The following CSMD1 variants were observed in gnomAD, a reference collection of about 807,000 sequenced individuals.
The protein encoded by CSMD1 is CUB and sushi domain-containing protein 1.
In CSMD1, 213 loss-of-function variants were observed where a neutral mutation model predicts 417.5. The observed-to-expected ratio is 0.51, with a 90% CI of 0.46 to 0.57. The LOEUF is 0.57. CSMD1 is among the 20% of genes least tolerant of loss of function. The pLI is 0.00. For synonymous variants in CSMD1, 2,862 were observed against 1,736.8 expected, an observed-to-expected ratio of 1.65 and a Z score of -16.11; for missense variants, 6,923 against 4,529.7, an observed-to-expected ratio of 1.53 and a Z score of -15.17.
rs188445402 is a variant in CSMD1, at chr8:3,312,427, T to G, written c.3632-3924A>C. ...CTCTATAACTTAAAGCCTCTAGGCT[T>G]GTGTGATGTCTTTTTATAAAATACA... On this transcript the variant is annotated intron_variant, in intron 23 of 69. Coordinates refer to ENST00000635120, the MANE Select transcript of CSMD1 (RefSeq NM_033225.6). 4.3e-3 allele frequency among the ~76,000 whole-genome samples: 660 copies of G among 152,304 alleles called. 21 individuals are homozygous for G. Among genetic ancestry groups the G allele is most frequent in the Admixed American group, 0.04 (613 of 15,292 alleles).
intron 18 of CSMD1, among the ~76,000 whole-genome samples, chr8:3,381,464 TTAA>T (rs1374707490): frequency 6.6e-6 from 1 of 152,172 alleles, no homozygotes; most frequent in Non-Finnish European, 1.5e-5. Context: ...TTAGGGTAAT[TTAA>T]TAAAACATCA....
intron 3 of CSMD1, among the ~76,000 whole-genome samples, chr8:4,278,180 A>C (rs910588448): frequency 1.3e-5 from 2 of 152,202 alleles, no homozygotes; most frequent in African/African-American, 4.8e-5. Context: ...CTACATTCAC[A>C]ATTTATATAT....
intron 1 of CSMD1, among the ~76,000 whole-genome samples, chr8:4,746,217 A>G (rs1305909554): frequency 6.6e-6 from 1 of 152,080 alleles, no homozygotes; most frequent in Non-Finnish European, 1.5e-5. Context: ...TTTCCATGGA[A>G]TCACCGAAAA....
chr8:3,624,520 A>G lies in CSMD1; in HGVS notation c.1010-7723T>C, dbSNP rs578230909. On this transcript the variant is annotated intron_variant, in intron 7 of 69. Coordinates refer to ENST00000635120, the MANE Select transcript of CSMD1 (RefSeq NM_033225.6). The stretch of plus-strand genomic sequence containing the variant: ...TTTCATTGTTGGTACTTGTTTCTTC[A>G]AAGATGTACAGATGTATTTCAGTTG... Among the ~76,000 whole-genome samples, 19 of 152,344 alleles carry G rather than the reference A, an allele frequency of 1.2e-4. No individual in the cohort carries two copies. In the East Asian group the frequency reaches 3.7e-3, roughly 29 times the overall value.
At chr8:3,548,656 T>TCATACA (rs1554465252) in intron 10 of CSMD1, among the ~76,000 whole-genome samples, 2 of 86,006 alleles carry the variant, frequency 2.3e-5, no homozygotes, top group Non-Finnish European at 5.0e-5. Flanking sequence ...TGGTATTCCA[T>TCATACA]CATACACACA....
At chr8:4,392,058 G>A (rs1030801162) in intron 3 of CSMD1, among the ~76,000 whole-genome samples, 5 of 152,204 alleles carry the variant, frequency 3.3e-5, no homozygotes, top group Admixed American at 1.3e-4. Context: ...ATGCGACCCT[G>A]TGGGACACCA....
intron 25 of CSMD1, among the ~76,000 whole-genome samples, chr8:3,307,288 C>A (rs1237362754): frequency 1.3e-5 from 2 of 151,934 alleles, no homozygotes; most frequent in African/African-American, 4.8e-5. Context: ...GCCTGGTGTG[C>A]AGGGGCTCCT....
intron 3 of CSMD1, among the ~76,000 whole-genome samples, chr8:4,091,447 C>T (rs1274490559): frequency 2.6e-5 from 4 of 152,032 alleles, no homozygotes; most frequent in East Asian, 1.9e-4. Flanking sequence ...ACTTTTGCTC[C>T]ACGTCAGAAA....
At chr8:3,823,026 T>C (rs1585048793) in intron 5 of CSMD1, among the ~76,000 whole-genome samples, 1 of 152,180 alleles carries the variant, frequency 6.6e-6, no homozygotes, top group South Asian at 2.1e-4. Context: ...GAAAACATAA[T>C]TCGGCATCAG....
chr8:4,141,207 A>C (rs1235999229), intron 3 of CSMD1, among the ~76,000 whole-genome samples: 1 of 151,202 alleles, frequency 6.6e-6, no homozygotes. Context: ...GATCTATCAG[A>C]AAGACTGGAA....
chr8:4,484,200 GAAA>G (rs79443875), intron 2 of CSMD1, among the ~76,000 whole-genome samples: 1 of 105,386 alleles, frequency 9.5e-6, no homozygotes, highest in Admixed American at 1.0e-4. Context: ...TGGATGACAC[GAAA>G]AAAAAAAAAA....
At chr8:4,022,905 T>G (rs1326926272) in intron 4 of CSMD1, among the ~76,000 whole-genome samples, 8 of 152,334 alleles carry the variant, frequency 5.3e-5, no homozygotes, top group Non-Finnish European at 1.0e-4. Flanking sequence ...ATTATTGTGA[T>G]GAAAGCAAGT....
intron 2 of CSMD1, among the ~76,000 whole-genome samples, chr8:4,544,990 G>A (rs1056834884): frequency 6.6e-6 from 1 of 152,166 alleles, no homozygotes; most frequent in African/African-American, 2.4e-5. Context: ...TATTCGTAAT[G>A]CATTTTACTC....
In CSMD1 at chr8:4,868,771, G is replaced by T. The variant is rs933663363; in HGVS notation, c.85+125561C>A. 4.3e-5 allele frequency among the ~76,000 whole-genome samples: 4 copies of T among 93,848 alleles called. No homozygotes were observed. In the Admixed American group the frequency reaches 4.4e-4, roughly 10 times the overall value. The allele number at this position is 93,848 out of a possible 152,430, so 61.6% of individuals were successfully genotyped here. A position where few individuals can be genotyped will look rare whatever the true frequency, so the allele number is the denominator to read the frequency against. On this transcript the variant is annotated intron_variant, in intron 1 of 69. Coordinates refer to ENST00000635120, the MANE Select transcript of CSMD1 (RefSeq NM_033225.6). Reference sequence around the variant, plus strand: ...TGACTGTCAAATATTGGCTGTGTAAGCTTGTAAAAATTGTAAAAAAAAAGC... The same window carrying T: ...TGACTGTCAAATATTGGCTGTGTAATCTTGTAAAAATTGTAAAAAAAAAGC...
intron 26 of CSMD1, among the ~76,000 whole-genome samples, chr8:3,281,032 C>T (rs1046115769): frequency 6.6e-6 from 1 of 152,188 alleles, no homozygotes. Flanking sequence ...TCTTAGGTAT[C>T]TAGTCAGGTG....
chr8:3,585,295 G>A (rs915349068), intron 9 of CSMD1, among the ~76,000 whole-genome samples: 2 of 152,144 alleles, frequency 1.3e-5, no homozygotes, highest in Admixed American at 1.3e-4. Flanking sequence ...AGTTTAAAAT[G>A]TATAAGTCCA....
At chr8:3,825,810 G>C (rs1802025213) in intron 5 of CSMD1, among the ~76,000 whole-genome samples, 1 of 152,176 alleles carries the variant, frequency 6.6e-6, no homozygotes, top group Admixed American at 6.5e-5. Context: ...ATATGGAATT[G>C]AAAGGCTTTA....
chr8:4,110,431 T>C (rs945403495), intron 3 of CSMD1, among the ~76,000 whole-genome samples: 4 of 152,164 alleles, frequency 2.6e-5, no homozygotes, highest in Non-Finnish European at 5.9e-5. Flanking sequence ...AATCTACATT[T>C]TCATTACTTT....
chr8:3,162,072 G>C, intron 38 of CSMD1, 87 bp downstream of exon 38: 1 of 807,998 alleles, frequency 1.2e-6, no homozygotes. Context: ...AGGAAAACAT[G>C]GGTACAAAGT....
Sources: allele counts gnomAD v4.1 joint callset (sites outside exome capture counted in the v4.1 genomes callset), GRCh38; gene constraint gnomAD v4.1.1; transcripts MANE v1.5; gene names NCBI Gene and HGNC (gene_info 2026-07-23, HGNC 2026-07-21).